Variants in TCEA3 observed in about 807,000 individuals in gnomAD.
The protein encoded by TCEA3 is transcription elongation factor A protein 3.
A neutral mutation model predicts 44.0 loss-of-function variants in TCEA3; 36 were observed. That is an observed-to-expected ratio of 0.82 (90% CI 0.63 to 1.08). The LOEUF (loss-of-function observed/expected upper bound fraction) is 1.08, where lower values mean the gene tolerates loss of function less well. Among genes scored for constraint, TCEA3 ranks in the 50% least tolerant of loss-of-function variants. The pLI is 0.00. For missense variants in TCEA3, 392 were observed against 441.2 expected (o/e 0.89, Z 1.00); for synonymous variants, 162 against 159.7 (o/e 1.01, Z -0.11).
chr1:23,387,176 T>C, intron 9 of TCEA3, 97 bp downstream of exon 9: 1 of 1,471,184 alleles, frequency 6.8e-7, no homozygotes, highest in South Asian at 1.4e-5. Context: ...TTTAACGCTT[T>C]CTCCCCTCTG....
chr1:23,392,124 T>A (rs1639046274), intron 8 of TCEA3, among the ~76,000 whole-genome samples: 1 of 152,258 alleles, frequency 6.6e-6, no homozygotes, highest in Non-Finnish European at 1.5e-5. Flanking sequence ...ATAACCCTGG[T>A]CTACCTGTGC....
intron 5 of TCEA3, among the ~76,000 whole-genome samples, chr1:23,399,168 A>ATG (rs1326505423): frequency 7.2e-6 from 1 of 139,758 alleles, no homozygotes; most frequent in Non-Finnish European, 1.6e-5. Context: ...ATATATATAT[A>ATG]TATATATATA....
In TCEA3 at chr1:23,417,913, G is replaced by A. The variant is rs372025514; in HGVS notation, c.229C>T (p.Arg77Trp). Residue 77 changes from arginine (R) to tryptophan (W), a missense_variant, in exon 3 of 11, where the codon CGG (arginine) becomes TGG (tryptophan). Coordinates refer to ENST00000450454, the MANE Select transcript of TCEA3 (RefSeq NM_003196.3). ...LAKVLIKNWKRLLDSPGPPKG... is the reference protein window; with the variant it reads ...LAKVLIKNWKWLLDSPGPPKG... ...CCTTGTCCTCTCTCACCTAGCAGCCGCTTCCAGTTTTTGATAAGGACTTTG... is the reference window on the plus strand; with the variant it reads ...CCTTGTCCTCTCTCACCTAGCAGCCACTTCCAGTTTTTGATAAGGACTTTG... The A allele has an allele frequency of 4.3e-6, 7 of 1,614,004 alleles. No individual in the cohort carries two copies. The highest frequency in any genetic ancestry group is 4.2e-6 in the Non-Finnish European group (5 of 1,179,852).
intron 4 of TCEA3, among the ~76,000 whole-genome samples, chr1:23,412,859 T>A (rs974513025): frequency 6.6e-6 from 1 of 152,242 alleles, no homozygotes; most frequent in African/African-American, 2.4e-5. Context: ...TAAGTTTCAC[T>A]AATGTGGTTA....
In TCEA3 at chr1:23,397,914, G is replaced by T. The variant is rs1385941519; in HGVS notation, c.485C>A (p.Pro162His). 8.1e-6 allele frequency: 13 copies of T among 1,613,660 alleles called. No individual in the cohort carries two copies. In the Admixed American group the frequency reaches 1.7e-4, roughly 21 times the overall value. ...AAACGTGGGGGTCAAGGGGCTGCTA[G>T]GTGTTTTGGGGCTCTCCGCTTTTGA... ...SKSKAESPKT[P>H]SSPLTPTFAS... The change falls in exon 6 of 11, where the codon CCT becomes CAT. Residue 162 changes from proline (P) to histidine (H), a missense_variant. Pro to His is a moderately conservative substitution (Grantham distance 77, BLOSUM62 -2). Coordinates refer to ENST00000450454, the MANE Select transcript of TCEA3 (RefSeq NM_003196.3).
chr1:23,405,520 C>T (rs946797574), intron 5 of TCEA3, among the ~76,000 whole-genome samples: 4 of 151,918 alleles, frequency 2.6e-5, no homozygotes, highest in South Asian at 2.1e-4. Context: ...CACTTGAATC[C>T]GGGAGATGGA....
chr1:23,397,169 G>A (rs1057499539), intron 7 of TCEA3, among the ~76,000 whole-genome samples: 1 of 152,196 alleles, frequency 6.6e-6, no homozygotes. Flanking sequence ...CACAGCCGCT[G>A]AGCCTCCAGG....
At chr1:23,423,025 G>A (rs376390072) in intron 1 of TCEA3, among the ~76,000 whole-genome samples, 13 of 152,274 alleles carry the variant, frequency 8.5e-5, no homozygotes, top group East Asian at 7.7e-4. Context: ...GGGATAACCC[G>A]TCTATTTGAA....
At position 23,424,652 on chromosome 1, in the gene TCEA3, G is replaced by T; in HGVS notation, c.-19C>A. The T allele has an allele frequency of 6.3e-7, 1 of 1,599,460 alleles. No homozygotes were observed. The highest frequency in any genetic ancestry group is 8.5e-7 in the Non-Finnish European group (1 of 1,176,216). On this transcript the variant is annotated 5_prime_UTR_variant, in exon 1 of 11. Coordinates refer to ENST00000450454, the MANE Select transcript of TCEA3 (RefSeq NM_003196.3). Reference sequence around the variant, plus strand: ...GGCCCATGTTGGCCCGCGACGCCCGGCGGGGCGAGGGGCACAGGGGCAGCA... The same window carrying T: ...GGCCCATGTTGGCCCGCGACGCCCGTCGGGGCGAGGGGCACAGGGGCAGCA...
chr1:23,415,211 C>T (rs896517303), intron 4 of TCEA3, among the ~76,000 whole-genome samples: 7 of 151,782 alleles, frequency 4.6e-5, no homozygotes, highest in African/African-American at 1.7e-4. Context: ...TTAGTAGAGA[C>T]GGGGTTTCAC....
intron 8 of TCEA3, among the ~76,000 whole-genome samples, chr1:23,393,175 C>T (rs938623219): frequency 2.6e-5 from 4 of 151,928 alleles, no homozygotes; most frequent in South Asian, 2.1e-4. Flanking sequence ...AATCTAATGC[C>T]GTCACTGATC....
At chr1:23,399,656 C>T (rs936948932) in intron 5 of TCEA3, among the ~76,000 whole-genome samples, 5 of 150,920 alleles carry the variant, frequency 3.3e-5, no homozygotes, top group African/African-American at 7.3e-5. Context: ...TCTACTTTTG[C>T]GATGTGAGAA....
At chr1:23,421,241 G>A (rs1202338280) in intron 1 of TCEA3, among the ~76,000 whole-genome samples, 2 of 152,202 alleles carry the variant, frequency 1.3e-5, no homozygotes, top group African/African-American at 4.8e-5. Flanking sequence ...TAGGTCCTGT[G>A]TATTATTCCC....
rs773264663 is a variant in TCEA3 at position 23,394,074 on chromosome 1, AC to A, written c.665-42del. ...GCCGGCCAGCCATTCATGGAGGGGC[AC>A]AGAAGGGTGCAGGCCTGGCCCTGAC... On this transcript the variant is annotated intron_variant, in intron 7 of 10. Transcript: ENST00000450454. 3 of 1,611,912 alleles carry A rather than the reference AC, an allele frequency of 1.9e-6. No homozygotes were observed. The African/African-American group carries it at 4.0e-5, about 22-fold the overall frequency.
At position 23,381,434 on chromosome 1, in the gene TCEA3, C is replaced by T. The variant is rs757539513; in HGVS notation, c.*32G>A. 2 of 779,864 alleles carry T rather than the reference C, an allele frequency of 2.6e-6. No individual in the cohort carries two copies. Among genetic ancestry groups the T allele is most frequent in the Non-Finnish European group, 4.8e-6 (2 of 417,824 alleles). The allele number at this position is 779,864 out of a possible 1,614,324, so 48.3% of individuals were successfully genotyped here. On this transcript the variant is annotated 3_prime_UTR_variant, in exon 11 of 11. Transcript: ENST00000450454. ...GATAATTCAGCGCTTCCTCTTTCTT[C>T]TTCCTCACCTTGTTCATGGCTGGCT...
intron 5 of TCEA3, among the ~76,000 whole-genome samples, chr1:23,403,079 C>T (rs1250045289): frequency 6.6e-6 from 1 of 152,246 alleles, no homozygotes; most frequent in Non-Finnish European, 1.5e-5. Flanking sequence ...ACGCCATCTC[C>T]TGCAGCTGGG....
intron 5 of TCEA3, among the ~76,000 whole-genome samples, chr1:23,407,733 C>G (rs1408785566): frequency 6.6e-6 from 1 of 152,044 alleles, no homozygotes; most frequent in African/African-American, 2.4e-5. Flanking sequence ...TAAAGGCCCC[C>G]ATCACTGCAG....
chr1:23,404,974 G>A (rs1050074330), intron 5 of TCEA3, among the ~76,000 whole-genome samples: 17 of 151,782 alleles, frequency 1.1e-4, no homozygotes, highest in Admixed American at 1.1e-3. Flanking sequence ...GGTGGTGTCG[G>A]GGAGTTCCAT....
intron 4 of TCEA3, among the ~76,000 whole-genome samples, chr1:23,410,555 C>T (rs1031656022): frequency 6.6e-6 from 1 of 152,060 alleles, no homozygotes; most frequent in Non-Finnish European, 1.5e-5. Flanking sequence ...GTAATCCCAG[C>T]ACTTTGGGAG....
Sources: gnomAD v4.1 joint callset for allele counts (sites outside exome capture counted in the v4.1 genomes callset) on GRCh38, gnomAD v4.1.1 for gene constraint, MANE v1.5 for transcripts, NCBI Gene and HGNC (gene_info 2026-07-23, HGNC 2026-07-21) for gene names.